SPIRE1: variants seen among roughly 807,000 people sequenced by gnomAD.
SPIRE1 encodes the protein protein spire homolog 1.
SPIRE1 carries 40 observed loss-of-function variants against 94.1 expected under a neutral mutation model. The ratio of observed to expected loss-of-function variants is 0.43; its 90% CI spans 0.33 to 0.55. The LOEUF (loss-of-function observed/expected upper bound fraction) is 0.55, where lower values mean the gene tolerates loss of function less well. Ranked by LOEUF, SPIRE1 falls within the 20% of genes least tolerant of loss-of-function variation. The pLI is 0.06. For synonymous variants in SPIRE1, 376 were observed against 371.7 expected, an observed-to-expected ratio of 1.01 and a Z score of -0.13; for missense variants, 838 against 975.2, an observed-to-expected ratio of 0.86 and a Z score of 1.87.
intron 16 of SPIRE1, chr18:12,450,976 A>G: frequency 1.6e-6 from 1 of 621,272 alleles, no homozygotes; most frequent in East Asian, 3.3e-5. Context: ...TTGCCCAGAA[A>G]AAGGTGGAAG....
chr18:12,623,538 T>A (rs1598548146), intron 2 of SPIRE1, among the ~76,000 whole-genome samples: 1 of 152,222 alleles, frequency 6.6e-6, no homozygotes, highest in Non-Finnish European at 1.5e-5. Flanking sequence ...ACAGATCCCA[T>A]CCGCATTGCA....
rs869122444 is a variant in SPIRE1 at position 12,549,439 on chromosome 18, G to GTTTTTTTTTTTTTTTTTTTTTTT, written c.373-2558_373-2536dup. 7.8e-4 allele frequency among the ~76,000 whole-genome samples: 32 copies of GTTTTTTTTTTTTTTTTTTTTTTT among 41,258 alleles called. 4 individuals carry two copies. The highest frequency in any genetic ancestry group is 1.4e-3 in the East Asian group (1 of 694). The allele number at this position is 41,258 out of a possible 152,430, so 27.1% of individuals were successfully genotyped here. On this transcript the variant is annotated intron_variant, in intron 2 of 16. Coordinates refer to ENST00000409402, the MANE Select transcript of SPIRE1 (RefSeq NM_001128626.2). The stretch of plus-strand genomic sequence containing the variant: ...CTTTTTGTTTGTTTTTGTTATTGTT[G>GTTTTTTTTTTTTTTTTTTTTTTT]TTTTTTTTTTTTTTTTTTTTTTTTT...
intron 1 of SPIRE1, among the ~76,000 whole-genome samples, chr18:12,650,998 T>A (rs1279736194): frequency 1.3e-5 from 2 of 152,180 alleles, no homozygotes; most frequent in Non-Finnish European, 2.9e-5. Flanking sequence ...GGGGCCTGTG[T>A]AAATGAAGGG....
chr18:12,558,658 C>T (rs1458602363), intron 2 of SPIRE1, among the ~76,000 whole-genome samples: 1 of 152,194 alleles, frequency 6.6e-6, no homozygotes, highest in Non-Finnish European at 1.5e-5. Flanking sequence ...ACACAGAGTG[C>T]TGACTGGTGC....
chr18:12,517,254 T>TA (rs1484566410), intron 4 of SPIRE1, among the ~76,000 whole-genome samples: 1 of 152,240 alleles, frequency 6.6e-6, no homozygotes, highest in Non-Finnish European at 1.5e-5. Flanking sequence ...TGAATACTTT[T>TA]ACTCCATCAC....
chr18:12,454,650 A>G, intron 12 of SPIRE1, 167 bp from the exon 13 acceptor site: 2 of 617,856 alleles, frequency 3.2e-6, no homozygotes, highest in Non-Finnish European at 5.7e-6. Context: ...ATCATTTCCA[A>G]TTACACTAAG....
chr18:12,464,337 G>T (rs1375713290), intron 11 of SPIRE1, among the ~76,000 whole-genome samples: 1 of 152,056 alleles, frequency 6.6e-6, no homozygotes, highest in East Asian at 1.9e-4. Flanking sequence ...TTGTGTATGA[G>T]AAATCAAGCC....
chr18:12,569,304 G>T (rs1293837649), intron 2 of SPIRE1, among the ~76,000 whole-genome samples: 2 of 146,786 alleles, frequency 1.4e-5, no homozygotes, highest in Non-Finnish European at 1.5e-5. Flanking sequence ...TCACACCAAT[G>T]CACTCCTGCC....
intron 3 of SPIRE1, among the ~76,000 whole-genome samples, chr18:12,536,268 TATC>T (rs751322391): frequency 2.6e-5 from 4 of 152,200 alleles, no homozygotes; most frequent in South Asian, 2.1e-4. Context: ...ATTAAGCAAT[TATC>T]ATGCCAGCTA....
chr18:12,528,270 A>G (rs1325861501), intron 4 of SPIRE1, among the ~76,000 whole-genome samples: 1 of 152,202 alleles, frequency 6.6e-6, no homozygotes, highest in East Asian at 1.9e-4. Context: ...GCCCTTAAGA[A>G]GTTCACAGTC....
chr18:12,599,489 C>T (rs572404854), intron 2 of SPIRE1, among the ~76,000 whole-genome samples: 17 of 152,308 alleles, frequency 1.1e-4, no homozygotes, highest in African/African-American at 3.8e-4. Flanking sequence ...GTCTCAAACT[C>T]CTATCCTCAA....
intron 2 of SPIRE1, among the ~76,000 whole-genome samples, chr18:12,552,325 A>G (rs934278445): frequency 6.6e-6 from 1 of 152,194 alleles, no homozygotes; most frequent in East Asian, 1.9e-4. Context: ...CTAAAAGAGT[A>G]CTTGCACTAT....
At chr18:12,464,544 GT>G (rs2032009319) in intron 11 of SPIRE1, among the ~76,000 whole-genome samples, 1 of 152,056 alleles carries the variant, frequency 6.6e-6, no homozygotes, top group Non-Finnish European at 1.5e-5. Context: ...AAATATGGTT[GT>G]GTTGGGCTTC....
chr18:12,537,817 C>T (rs1278898289), intron 3 of SPIRE1, among the ~76,000 whole-genome samples: 1 of 152,078 alleles, frequency 6.6e-6, no homozygotes, highest in African/African-American at 2.4e-5. Flanking sequence ...GACTTATACA[C>T]TGAAGAGTAC....
At chr18:12,551,819 C>T (rs12457026) in intron 2 of SPIRE1, among the ~76,000 whole-genome samples, 33,987 of 151,970 alleles carry the variant, frequency 0.22, 4,630 homozygotes, top group Non-Finnish European at 0.31. Flanking sequence ...AAAAACGGCA[C>T]CTTCATAAGA....
At chr18:12,637,450 T>C (rs2037965693) in intron 1 of SPIRE1, among the ~76,000 whole-genome samples, 1 of 152,144 alleles carries the variant, frequency 6.6e-6, no homozygotes. Flanking sequence ...CTATAAGTTT[T>C]TGTAGTACGT....
intron 9 of SPIRE1, among the ~76,000 whole-genome samples, chr18:12,483,276 G>C (rs992525684): frequency 5.3e-5 from 8 of 152,000 alleles, no homozygotes; most frequent in African/African-American, 7.3e-5. Flanking sequence ...TTTTTAAGAA[G>C]TTTGATCACT....
chr18:12,608,541 T>A (rs2037052216), intron 2 of SPIRE1, among the ~76,000 whole-genome samples: 1 of 152,222 alleles, frequency 6.6e-6, no homozygotes, highest in Non-Finnish European at 1.5e-5. Flanking sequence ...TTATTTTCTT[T>A]GGAAAAGGTC....
intron 16 of SPIRE1, chr18:12,450,840 A>C (rs1439040409): frequency 1.4e-6 from 1 of 736,326 alleles, no homozygotes; most frequent in African/African-American, 1.7e-5. Flanking sequence ...ATGCGGAATA[A>C]CTTAAATGAC....
Sources: gnomAD v4.1 joint callset for allele counts (sites outside exome capture counted in the v4.1 genomes callset) on GRCh38, gnomAD v4.1.1 for gene constraint, MANE v1.5 for transcripts, NCBI Gene and HGNC (gene_info 2026-07-23, HGNC 2026-07-21) for gene names.